The following SYT1 variants were observed in gnomAD, a reference collection of about 807,000 sequenced individuals.
The protein encoded by SYT1 is synaptotagmin 1.
In SYT1, 8 loss-of-function variants were observed where a neutral mutation model predicts 44.8. The observed-to-expected ratio is 0.18, with a 90% CI of 0.10 to 0.32. The LOEUF is 0.32. Among genes scored for constraint, SYT1 ranks in the 10% least tolerant of loss-of-function variants. The pLI, the probability that SYT1 is intolerant of heterozygous loss-of-function variation, is 1.00. For missense variants in SYT1, 286 were observed against 509.3 expected (o/e 0.56, Z 4.22); for synonymous variants, 154 against 188.8 (o/e 0.82, Z 1.51).
intron 2 of SYT1, among the ~76,000 whole-genome samples, chr12:78,986,355 G>A (rs1408711889): frequency 1.3e-5 from 2 of 151,424 alleles, no homozygotes; most frequent in Non-Finnish European, 3.0e-5. Flanking sequence ...TATCTATTGT[G>A]TTTTTCCCCA....
At chr12:79,363,593 G>C (rs1883412296) in intron 9 of SYT1, among the ~76,000 whole-genome samples, 1 of 151,456 alleles carries the variant, frequency 6.6e-6, no homozygotes, top group South Asian at 2.1e-4. Flanking sequence ...AAAATAGCCA[G>C]GAATGGTAGC....
At chr12:79,081,786 T>G (rs562215874) in intron 3 of SYT1, among the ~76,000 whole-genome samples, 1 of 152,266 alleles carries the variant, frequency 6.6e-6, no homozygotes, top group South Asian at 2.1e-4. Context: ...AAATTTAAAA[T>G]TAACAATTTG....
At chr12:78,946,760 A>C (rs1325123917) in intron 1 of SYT1, among the ~76,000 whole-genome samples, 1 of 152,168 alleles carries the variant, frequency 6.6e-6, no homozygotes, top group Non-Finnish European at 1.5e-5. Flanking sequence ...GCAATTCTTA[A>C]ACCCACTAAA....
At chr12:79,345,257 G>C (rs1285353922) in intron 8 of SYT1, among the ~76,000 whole-genome samples, 1 of 152,156 alleles carries the variant, frequency 6.6e-6, no homozygotes, top group African/African-American at 2.4e-5. Context: ...ACATGCATTT[G>C]GGGTGGCTTG....
chr12:79,032,116 T>C (rs544001063), intron 2 of SYT1, among the ~76,000 whole-genome samples: 50 of 151,292 alleles, frequency 3.3e-4, no homozygotes, highest in Non-Finnish European at 4.9e-4. Context: ...TACCACCAGA[T>C]TGGCAAGGTA....
intron 1 of SYT1, among the ~76,000 whole-genome samples, chr12:78,973,673 G>A (rs1868539153): frequency 6.6e-6 from 1 of 151,594 alleles, no homozygotes; most frequent in African/African-American, 2.4e-5. Flanking sequence ...TTACTACACA[G>A]GTTGACCTTG....
intron 4 of SYT1, among the ~76,000 whole-genome samples, chr12:79,264,091 A>AT (rs1352740783): frequency 1.3e-5 from 2 of 152,062 alleles, no homozygotes; most frequent in Non-Finnish European, 2.9e-5. Flanking sequence ...TTTTCCAAGG[A>AT]TTTTTTGGGC....
intron 7 of SYT1, among the ~76,000 whole-genome samples, chr12:79,298,726 C>T (rs1234718086): frequency 2.0e-5 from 3 of 152,154 alleles, no homozygotes. Context: ...TGCCACCACT[C>T]ATCCTAAGGC....
chr12:78,911,597 T>TA (rs1390816229), intron 1 of SYT1, among the ~76,000 whole-genome samples: 2 of 151,744 alleles, frequency 1.3e-5, no homozygotes, highest in African/African-American at 4.8e-5. Context: ...TGAGATCACC[T>TA]AAAAACTGAA....
At chr12:79,053,456 AT>A (rs1281501093) in intron 3 of SYT1, among the ~76,000 whole-genome samples, 1 of 151,956 alleles carries the variant, frequency 6.6e-6, no homozygotes, top group Non-Finnish European at 1.5e-5. Context: ...ATGTATACAT[AT>A]GTAACAAACC....
chr12:78,917,841 T>C (rs572945209), intron 1 of SYT1, among the ~76,000 whole-genome samples: 1 of 152,168 alleles, frequency 6.6e-6, no homozygotes, highest in East Asian at 1.9e-4. Flanking sequence ...ACAAAATTTG[T>C]TAACTCTTAA....
At chr12:79,053,376 A>T (rs1009366806) in intron 3 of SYT1, among the ~76,000 whole-genome samples, 3 of 152,042 alleles carry the variant, frequency 2.0e-5, no homozygotes, top group Admixed American at 1.3e-4. Context: ...GGGAGCAGGG[A>T]GGGATAGCGT....
intron 1 of SYT1, among the ~76,000 whole-genome samples, chr12:78,921,339 G>A (rs555867331): frequency 3.9e-5 from 6 of 152,034 alleles, no homozygotes; most frequent in South Asian, 4.2e-4. Flanking sequence ...TGGTGAAACC[G>A]ATACTCAAGT....
At position 79,450,321 on chromosome 12, in the gene SYT1, G is replaced by T. The variant is rs186647254; in HGVS notation, c.*1197G>T. ...ACCAACAACAATTAGCCATAGTTCT[G>T]AATGCACTTCAATTAAGCCAAAACA... On this transcript the variant is annotated 3_prime_UTR_variant, in exon 11 of 11. Coordinates refer to ENST00000261205, the MANE Select transcript of SYT1 (RefSeq NM_005639.3). 1.3e-5 allele frequency: 2 copies of T among 152,626 alleles called. No homozygotes were observed. Among genetic ancestry groups the T allele is most frequent in the East Asian group, 3.9e-4 (2 of 5,184 alleles). 9.5% of individuals were successfully genotyped at this position (152,626 alleles called of 1,614,324 possible).
At chr12:78,883,488 T>G (rs1874574005) in intron 1 of SYT1, among the ~76,000 whole-genome samples, 1 of 151,656 alleles carries the variant, frequency 6.6e-6, no homozygotes, top group Admixed American at 6.6e-5. Context: ...CAAGGTGAAA[T>G]ATGACTTTCT....
At chr12:79,182,989 G>A (rs1394924049) in intron 3 of SYT1, among the ~76,000 whole-genome samples, 4 of 152,042 alleles carry the variant, frequency 2.6e-5, no homozygotes, top group African/African-American at 9.7e-5. Flanking sequence ...TAATCGTTCA[G>A]AGTAAGAACC....
chr12:78,929,407 CCCAAAAAAAAAAAAAAAAAAAAAAA>C (rs1417057844), intron 1 of SYT1, among the ~76,000 whole-genome samples: 10 of 14,682 alleles, frequency 6.8e-4, no homozygotes, highest in East Asian at 5.1e-3. Context: ...GAGACTCCGT[CCCAAAAAAAAAAAAAAAAAAAAAAA>C]AAAAAAAAAA....
intron 3 of SYT1, among the ~76,000 whole-genome samples, chr12:79,180,114 C>T (rs976700690): frequency 1.3e-5 from 2 of 152,070 alleles, no homozygotes; most frequent in Non-Finnish European, 2.9e-5. Context: ...AAGATAAATA[C>T]TTTTGTCAGA....
At chr12:79,309,968 C>T (rs924088633) in intron 8 of SYT1, among the ~76,000 whole-genome samples, 3 of 151,972 alleles carry the variant, frequency 2.0e-5, no homozygotes, top group Non-Finnish European at 2.9e-5. Flanking sequence ...TTGTAGGTTG[C>T]CTGTTCACTC....
Sources: allele counts gnomAD v4.1 joint callset (sites outside exome capture counted in the v4.1 genomes callset), GRCh38; gene constraint gnomAD v4.1.1; transcripts MANE v1.5; gene names NCBI Gene and HGNC (gene_info 2026-07-23, HGNC 2026-07-21).